Variants in CCDC149 observed in about 807,000 individuals in gnomAD.
The protein encoded by CCDC149 is coiled-coil domain-containing protein 149.
In CCDC149, 45 loss-of-function variants were observed where a neutral mutation model predicts 59.9. The ratio of observed to expected loss-of-function variants is 0.75; its 90% CI spans 0.59 to 0.96. CCDC149 has a LOEUF of 0.96. CCDC149 is among the 40% of genes least tolerant of loss of function. The probability of loss-of-function intolerance (pLI) is 0.00; values close to 1 mark genes in which losing one functional copy is unlikely to be tolerated. For synonymous variants in CCDC149, 245 were observed against 260.6 expected, an observed-to-expected ratio of 0.94 and a Z score of 0.58; for missense variants, 584 against 664.7, an observed-to-expected ratio of 0.88 and a Z score of 1.33.
intron 3 of CCDC149, among the ~76,000 whole-genome samples, chr4:24,869,432 C>T (rs1293116890): frequency 2.6e-5 from 4 of 152,176 alleles, no homozygotes; most frequent in Admixed American, 2.0e-4. Context: ...ACGAGGGCTG[C>T]TCAACCAACT....
intron 3 of CCDC149, among the ~76,000 whole-genome samples, chr4:24,865,676 C>T (rs549114803): frequency 1.3e-3 from 196 of 152,340 alleles, no homozygotes; most frequent in Non-Finnish European, 2.1e-3. Flanking sequence ...TTTGAATAGG[C>T]TTGGGAGGTT....
chr4:24,962,487 C>A (rs555905685), intron 1 of CCDC149, among the ~76,000 whole-genome samples: 3 of 152,266 alleles, frequency 2.0e-5, no homozygotes, highest in African/African-American at 7.2e-5. Flanking sequence ...CTATACCCAG[C>A]GGACTATCCG....
At chr4:24,945,623 A>AT (rs1434854671) in intron 1 of CCDC149, among the ~76,000 whole-genome samples, 2 of 116,912 alleles carry the variant, frequency 1.7e-5, no homozygotes, top group African/African-American at 9.2e-5. Context: ...ATATGCCCTA[A>AT]CTTTTTTTTT....
chr4:24,804,856 A>G (rs1245806911), downstream of CCDC149, among the ~76,000 whole-genome samples: 1 of 152,162 alleles, frequency 6.6e-6, no homozygotes, highest in Admixed American at 6.5e-5. Flanking sequence ...AGGAGCAACG[A>G]TGGGCAAACT....
chr4:24,922,964 A>G (rs922392705), intron 1 of CCDC149, among the ~76,000 whole-genome samples: 9 of 152,038 alleles, frequency 5.9e-5, no homozygotes, highest in African/African-American at 2.2e-4. Context: ...ATTGATCACC[A>G]GCAAAATACC....
At chr4:24,962,758 A>G (rs1723674191) in intron 1 of CCDC149, among the ~76,000 whole-genome samples, 1 of 152,136 alleles carries the variant, frequency 6.6e-6, no homozygotes, top group Non-Finnish European at 1.5e-5. Context: ...GGGGAGGGAT[A>G]GCATTAGGAG....
chr4:24,855,810 A>C (rs556760392), intron 3 of CCDC149, among the ~76,000 whole-genome samples: 1 of 152,314 alleles, frequency 6.6e-6, no homozygotes, highest in South Asian at 2.1e-4. Context: ...ATCAAAACCT[A>C]TTTTGTAGGT....
At chr4:24,958,019 C>G (rs1370461521) in intron 1 of CCDC149, among the ~76,000 whole-genome samples, 1 of 152,176 alleles carries the variant, frequency 6.6e-6, no homozygotes, top group African/African-American at 2.4e-5. Context: ...GTGCCTCAGC[C>G]AGTAGACATC....
At chr4:24,914,397 A>G (rs943387505), upstream of CCDC149, among the ~76,000 whole-genome samples, 4 of 152,008 alleles carry the variant, frequency 2.6e-5, no homozygotes, top group South Asian at 6.2e-4. Flanking sequence ...AAAAAAAAAA[A>G]AAAAAAAGAA....
At chr4:24,963,158 T>A (rs1161711505) in intron 1 of CCDC149, among the ~76,000 whole-genome samples, 1 of 151,976 alleles carries the variant, frequency 6.6e-6, no homozygotes, top group Non-Finnish European at 1.5e-5. Flanking sequence ...CAGGAAGCAC[T>A]TTTTAATTCT....
At chr4:24,884,547 C>G (rs1332577519) in intron 1 of CCDC149, among the ~76,000 whole-genome samples, 1 of 152,134 alleles carries the variant, frequency 6.6e-6, no homozygotes, top group African/African-American at 2.4e-5. Context: ...CTACAGTACA[C>G]TAAACACTTT....
At chr4:24,869,380 T>TGCTGTGGCTATTCCTGGGGCCCA (rs1718892334) in intron 3 of CCDC149, among the ~76,000 whole-genome samples, 1 of 152,200 alleles carries the variant, frequency 6.6e-6, no homozygotes, top group Non-Finnish European at 1.5e-5. Context: ...TCCTGGGCCC[T>TGCTGTGGCTATTCCTGGGGCCCA]GCTGTGGCTA....
At chr4:24,896,941 C>G (rs1720878593) in intron 1 of CCDC149, among the ~76,000 whole-genome samples, 1 of 152,150 alleles carries the variant, frequency 6.6e-6, no homozygotes, top group South Asian at 2.1e-4. Context: ...GGTTTGTCAT[C>G]TCTTTTAGAT....
intron 4 of CCDC149, among the ~76,000 whole-genome samples, chr4:24,852,454 G>C (rs1717724016): frequency 6.6e-6 from 1 of 152,118 alleles, no homozygotes; most frequent in Non-Finnish European, 1.5e-5. Context: ...AATTAAACTT[G>C]GGTAGTTTTT....
At chr4:24,911,710 C>T (rs1273824017) in intron 1 of CCDC149, among the ~76,000 whole-genome samples, 1 of 152,116 alleles carries the variant, frequency 6.6e-6, no homozygotes, top group African/African-American at 2.4e-5. Flanking sequence ...CAGGAGCTAC[C>T]GCATGTCATT....
chr4:24,970,945 C>T (rs147038354), intron 1 of CCDC149, among the ~76,000 whole-genome samples: 3 of 152,262 alleles, frequency 2.0e-5, no homozygotes, highest in Non-Finnish European at 4.4e-5. Flanking sequence ...CTCTGAATTA[C>T]ACCCGAGTGG....
At chr4:24,916,105 C>T (rs6818215), upstream of CCDC149, among the ~76,000 whole-genome samples, 1 of 152,162 alleles carries the variant, frequency 6.6e-6, no homozygotes, top group African/African-American at 2.4e-5. Context: ...AAATGTGCCA[C>T]CCTGTTACAA....
At position 24,873,966 on chromosome 4, in the gene CCDC149, T is replaced by C. The variant is rs1043048243; in HGVS notation, c.226-247A>G. ...GACCAAATCTATATATTTCCTAAAA[T>C]TGTTTGAACACAAAAACTGGATTTG... is the stretch of plus-strand genomic sequence containing the variant. On this transcript the variant is annotated intron_variant, in intron 2 of 12. Coordinates refer to ENST00000635206, the MANE Select transcript of CCDC149 (RefSeq NM_001330643.2). Among the ~76,000 whole-genome samples the C allele has an allele frequency of 2.4e-4, 30 of 125,152 alleles. No individual in the cohort carries two copies. The Admixed American group carries it at 2.6e-3, about 11-fold the overall frequency. The allele number at this position is 125,152 out of a possible 152,430, so 82.1% of individuals were successfully genotyped here.
chr4:24,958,957 C>T (rs1723554549), intron 1 of CCDC149, among the ~76,000 whole-genome samples: 1 of 150,976 alleles, frequency 6.6e-6, no homozygotes, highest in Admixed American at 6.6e-5. Flanking sequence ...CACTTGAATC[C>T]GGCATGTGGA....
Sources: gnomAD v4.1 joint callset for allele counts (sites outside exome capture counted in the v4.1 genomes callset) on GRCh38, gnomAD v4.1.1 for gene constraint, MANE v1.5 for transcripts, NCBI Gene and HGNC (gene_info 2026-07-23, HGNC 2026-07-21) for gene names.